The following ZFPM2 variants were observed in gnomAD, a reference collection of about 807,000 sequenced individuals.
ZFPM2 encodes the protein zinc finger protein ZFPM2.
ZFPM2 carries 20 observed loss-of-function variants against 98.6 expected under a neutral mutation model. The ratio of observed to expected loss-of-function variants is 0.20; its 90% CI spans 0.14 to 0.29. ZFPM2 has a LOEUF of 0.29. Ranked by LOEUF, ZFPM2 falls within the 10% of genes least tolerant of loss-of-function variation. ZFPM2 has a pLI of 1.00. For synonymous variants in ZFPM2, 518 were observed against 502.7 expected, an observed-to-expected ratio of 1.03 and a Z score of -0.41; for missense variants, 1,310 against 1,388.6, an observed-to-expected ratio of 0.94 and a Z score of 0.90.
intron 5 of ZFPM2, among the ~76,000 whole-genome samples, chr8:105,705,764 A>C (rs1042213787): frequency 3.9e-5 from 6 of 152,162 alleles, no homozygotes; most frequent in African/African-American, 1.4e-4. Context: ...CTTGGGGCAT[A>C]AGCTGGCTCC....
At chr8:105,350,013 G>GT (rs1163119063) in intron 1 of ZFPM2, among the ~76,000 whole-genome samples, 2 of 152,048 alleles carry the variant, frequency 1.3e-5, no homozygotes, top group African/African-American at 2.4e-5. Flanking sequence ...TAGTGCAATA[G>GT]TTTTTTTACG....
intron 1 of ZFPM2, among the ~76,000 whole-genome samples, chr8:105,409,613 T>C (rs1811536380): frequency 6.6e-6 from 1 of 151,950 alleles, no homozygotes; most frequent in Non-Finnish European, 1.5e-5. Flanking sequence ...CTGTATAAAC[T>C]GTAAATTATT....
chr8:105,329,761 A>T (rs909025627), intron 1 of ZFPM2, among the ~76,000 whole-genome samples: 1 of 151,712 alleles, frequency 6.6e-6, no homozygotes, highest in Non-Finnish European at 1.5e-5. Flanking sequence ...GACATGTCAG[A>T]GTTTGGGGAA....
intron 3 of ZFPM2, among the ~76,000 whole-genome samples, chr8:105,491,229 C>G (rs1180593789): frequency 6.6e-6 from 1 of 152,072 alleles, no homozygotes; most frequent in African/African-American, 2.4e-5. Context: ...GCCCTCAGCC[C>G]TGTTTTCTTT....
intron 5 of ZFPM2, among the ~76,000 whole-genome samples, chr8:105,656,353 C>G (rs757971951): frequency 2.6e-5 from 4 of 152,180 alleles, no homozygotes; most frequent in Non-Finnish European, 5.9e-5. Flanking sequence ...CAGTACATTT[C>G]TGATCATTGA....
chr8:105,756,279 A>G (rs1174672863), intron 5 of ZFPM2, among the ~76,000 whole-genome samples: 1 of 152,206 alleles, frequency 6.6e-6, no homozygotes, highest in Non-Finnish European at 1.5e-5. Flanking sequence ...GCAGCTAACC[A>G]GAAATCTGTG....
chr8:105,498,323 A>T (rs1480550174), intron 3 of ZFPM2, among the ~76,000 whole-genome samples: 2 of 152,210 alleles, frequency 1.3e-5, no homozygotes, highest in African/African-American at 2.4e-5. Context: ...AGTTGGTTAT[A>T]TTTAAGAAGA....
chr8:105,609,253 C>CCAGGAGCATGGAGGG (rs1816257907), intron 4 of ZFPM2, among the ~76,000 whole-genome samples: 1 of 151,710 alleles, frequency 6.6e-6, no homozygotes, highest in Non-Finnish European at 1.5e-5. Flanking sequence ...AGCATGGAGG[C>CCAGGAGCATGGAGGG]AAGCCAGGAG....
At chr8:105,429,482 T>C (rs948353532) in intron 2 of ZFPM2, among the ~76,000 whole-genome samples, 1 of 141,874 alleles carries the variant, frequency 7.0e-6, no homozygotes, top group Non-Finnish European at 1.5e-5. Context: ...AGTGTCAAAC[T>C]TGGGCTGATT....
intron 4 of ZFPM2, among the ~76,000 whole-genome samples, chr8:105,589,848 A>G (rs1189861759): frequency 1.3e-5 from 2 of 152,046 alleles, no homozygotes; most frequent in East Asian, 3.9e-4. Context: ...CAGTCTCCCA[A>G]GTAGCTGGGA....
chr8:105,580,825 C>CTATATATATA (rs774123584), intron 4 of ZFPM2, among the ~76,000 whole-genome samples: 91 of 135,108 alleles, frequency 6.7e-4, no homozygotes, highest in African/African-American at 2.3e-3. Flanking sequence ...CTCTCTCTCT[C>CTATATATATA]TCTATATATA....
rs536012156 is a variant in ZFPM2 at position 105,412,992 on chromosome 8, C to T, written c.41-6152C>T. 1.2e-4 allele frequency among the ~76,000 whole-genome samples: 18 copies of T among 151,946 alleles called. No homozygotes were observed. In the East Asian group the frequency reaches 3.3e-3, roughly 28 times the overall value. On this transcript the variant is annotated intron_variant, in intron 1 of 7. Transcript: ENST00000407775. ...CGTATTAGTAATTTCAAGCTAGAAA[C>T]GTTCCTACTGCATAATTAAGAGAGG...
chr8:105,491,750 G>T (rs1159583669), intron 3 of ZFPM2, among the ~76,000 whole-genome samples: 1 of 152,094 alleles, frequency 6.6e-6, no homozygotes, highest in South Asian at 2.1e-4. Flanking sequence ...AACTCTAAGT[G>T]CCAGAAGGAC....
intron 1 of ZFPM2, among the ~76,000 whole-genome samples, chr8:105,366,177 T>C (rs1402053402): frequency 6.6e-6 from 1 of 152,124 alleles, no homozygotes; most frequent in African/African-American, 2.4e-5. Context: ...TGAATTGAGG[T>C]CAGTTGCTTC....
intron 5 of ZFPM2, among the ~76,000 whole-genome samples, chr8:105,653,450 C>T (rs1280828526): frequency 5.9e-5 from 9 of 152,094 alleles, no homozygotes; most frequent in Admixed American, 2.6e-4. Flanking sequence ...TAAATTATTC[C>T]GCCTTTTAAA....
At chr8:105,359,367 C>CTTTTTTTTTTTTTTTTTTTTTT (rs111675257) in intron 1 of ZFPM2, among the ~76,000 whole-genome samples, 1 of 135,356 alleles carries the variant, frequency 7.4e-6, no homozygotes, top group South Asian at 2.4e-4. Context: ...CTTTTTCTTT[C>CTTTTTTTTTTTTTTTTTTTTTT]TTTTTTTTTT....
chr8:105,488,953 T>C (rs1586409787), intron 3 of ZFPM2, among the ~76,000 whole-genome samples: 1 of 152,324 alleles, frequency 6.6e-6, no homozygotes, highest in Non-Finnish European at 1.5e-5. Flanking sequence ...TTATTTTCCA[T>C]TGGAAAACTC....
At chr8:105,323,128 G>A (rs544305847) in intron 1 of ZFPM2, among the ~76,000 whole-genome samples, 8 of 151,226 alleles carry the variant, frequency 5.3e-5, no homozygotes, top group African/African-American at 1.9e-4. Flanking sequence ...TTGTTCTATG[G>A]GTCTTTTAAA....
chr8:105,693,975 CTTTTCTTTTT>C lies in ZFPM2; in HGVS notation c.532+59623_532+59632del, dbSNP rs1810952630. 3.7e-5 allele frequency among the ~76,000 whole-genome samples: 4 copies of C among 108,528 alleles called. No individual in the cohort carries two copies. The Admixed American group carries it at 3.8e-4, about 10-fold the overall frequency. The allele number at this position is 108,528 out of a possible 152,430, so 71.2% of individuals were successfully genotyped here. A position where few individuals can be genotyped will look rare whatever the true frequency, so the allele number is the denominator to read the frequency against. On this transcript the variant is annotated intron_variant, in intron 5 of 7. Transcript: ENST00000407775. ...CCAAATTTTTTTCTTTTCTTTTTTT[CTTTTCTTTTT>C]TTTTTTTTTTTTTTTTTGAGATGGA...
Sources: allele counts gnomAD v4.1 joint callset (sites outside exome capture counted in the v4.1 genomes callset), GRCh38; gene constraint gnomAD v4.1.1; transcripts MANE v1.5; gene names NCBI Gene and HGNC (gene_info 2026-07-23, HGNC 2026-07-21).